The following RAB2A variants were observed in gnomAD, a reference collection of about 807,000 sequenced individuals.
RAB2A encodes RAB2A, member RAS oncogene family.
In RAB2A, 7 loss-of-function variants were observed where a neutral mutation model predicts 32.5. The ratio of observed to expected loss-of-function variants is 0.22; its 90% CI spans 0.12 to 0.40. The LOEUF is 0.40. RAB2A is among the 10% of genes least tolerant of loss of function. The pLI is 1.00. For missense variants in RAB2A, 108 were observed against 260.7 expected (o/e 0.41, Z 4.03); for synonymous variants, 79 against 85.2 (o/e 0.93, Z 0.40).
intron 1 of RAB2A, among the ~76,000 whole-genome samples, chr8:60,532,418 T>G (rs1176229574): frequency 2.6e-5 from 4 of 152,178 alleles, no homozygotes; most frequent in Non-Finnish European, 5.9e-5. Flanking sequence ...CCCGATGAAT[T>G]GAGTCACCAG....
intron 6 of RAB2A, among the ~76,000 whole-genome samples, chr8:60,612,635 A>G (rs1804371049): frequency 6.6e-6 from 1 of 152,216 alleles, no homozygotes; most frequent in African/African-American, 2.4e-5. Flanking sequence ...TTAGATTCTA[A>G]TCCTGCGTCT....
At chr8:60,553,595 T>G (rs1416910066) in intron 1 of RAB2A, among the ~76,000 whole-genome samples, 3 of 152,216 alleles carry the variant, frequency 2.0e-5, no homozygotes, top group Admixed American at 6.5e-5. Context: ...CCCTTTTGTA[T>G]CTATATATTT....
chr8:60,605,443 G>A lies in RAB2A; in HGVS notation c.475-13137G>A, dbSNP rs540359924. Among the ~76,000 whole-genome samples, 11 of 152,248 alleles carry A rather than the reference G, an allele frequency of 7.2e-5. No homozygotes were observed. In the South Asian group the frequency reaches 1.0e-3, roughly 14 times the overall value. On this transcript the variant is annotated intron_variant, in intron 6 of 7. Transcript: ENST00000262646. ...AGTGCAGCTGTGAGAAGATGACCAC[G>A]TCCTCCAGACCCCAGAATGGTAGAT...
In RAB2A at chr8:60,555,079, G is replaced by T. The variant is rs76918462; in HGVS notation, c.47-3773G>T. Among the ~76,000 whole-genome samples, 983 of 152,328 alleles carry T rather than the reference G, an allele frequency of 6.5e-3. 11 individuals are homozygous for T. The highest frequency in any genetic ancestry group is 0.021 in the African/African-American group (889 of 41,564). ...ATTATTTTCAAGGAGGTTGTAGGCA[G>T]ATACATTATATAGATACAGTTTATG... is the stretch of plus-strand genomic sequence containing the variant. On this transcript the variant is annotated intron_variant, in intron 1 of 7. Transcript: ENST00000262646.
At chr8:60,571,474 C>T (rs1475783983) in intron 2 of RAB2A, among the ~76,000 whole-genome samples, 1 of 152,172 alleles carries the variant, frequency 6.6e-6, no homozygotes, top group Non-Finnish European at 1.5e-5. Flanking sequence ...AAGCAAATTG[C>T]AGAGCAGCAT....
rs182219277 is a variant in RAB2A, at chr8:60,615,015, G to C, written c.475-3565G>C. Among the ~76,000 whole-genome samples, 245 of 152,260 alleles carry C rather than the reference G, an allele frequency of 1.6e-3. 1 individual carries two copies. Among genetic ancestry groups the C allele is most frequent in the Non-Finnish European group, 2.5e-3 (171 of 68,008 alleles). On this transcript the variant is annotated intron_variant, in intron 6 of 7. Transcript: ENST00000262646. ...CTGCCTAGACATTGCTTGTTTCATG[G>C]TGCAAACAGTGAAATCATTGAAACA... is the stretch of plus-strand genomic sequence containing the variant.
At chr8:60,540,120 A>C (rs993460343) in intron 1 of RAB2A, among the ~76,000 whole-genome samples, 1 of 150,846 alleles carries the variant, frequency 6.6e-6, no homozygotes, top group Non-Finnish European at 1.5e-5. Context: ...GTATATATTC[A>C]TATTTTAATA....
At chr8:60,517,727 G>A (rs1354560566) in intron 1 of RAB2A, among the ~76,000 whole-genome samples, 2 of 152,218 alleles carry the variant, frequency 1.3e-5, no homozygotes, top group East Asian at 1.9e-4. Flanking sequence ...TCAAGGCCTG[G>A]GCAAGGCGCT....
chr8:60,573,399 T>C (rs1465890100), intron 3 of RAB2A, among the ~76,000 whole-genome samples: 1 of 152,248 alleles, frequency 6.6e-6, no homozygotes, highest in Non-Finnish European at 1.5e-5. Flanking sequence ...TCTCACAGAC[T>C]GGATTCCCTA....
intron 2 of RAB2A, among the ~76,000 whole-genome samples, chr8:60,565,581 T>G (rs1808097626): frequency 6.6e-6 from 1 of 151,874 alleles, no homozygotes; most frequent in Non-Finnish European, 1.5e-5. Flanking sequence ...TCTAGTAACT[T>G]GAGTTGCCTA....
At chr8:60,578,384 A>G (rs1803678212) in intron 3 of RAB2A, among the ~76,000 whole-genome samples, 1 of 152,218 alleles carries the variant, frequency 6.6e-6, no homozygotes, top group Non-Finnish European at 1.5e-5. Context: ...GCTGTGGTAG[A>G]CAAGCTTTCC....
At chr8:60,553,829 T>C (rs930131030) in intron 1 of RAB2A, among the ~76,000 whole-genome samples, 8 of 152,244 alleles carry the variant, frequency 5.3e-5, no homozygotes, top group Non-Finnish European at 1.2e-4. Flanking sequence ...AACCATTAGT[T>C]TTGCTTGGGG....
At chr8:60,612,806 A>G (rs935406919) in intron 6 of RAB2A, among the ~76,000 whole-genome samples, 1 of 152,192 alleles carries the variant, frequency 6.6e-6, no homozygotes, top group African/African-American at 2.4e-5. Flanking sequence ...CAACAGCTCT[A>G]CTTTGGAACT....
At chr8:60,540,631 C>T (rs1249660484) in intron 1 of RAB2A, among the ~76,000 whole-genome samples, 1 of 152,194 alleles carries the variant, frequency 6.6e-6, no homozygotes, top group Non-Finnish European at 1.5e-5. Flanking sequence ...AGGCATGTGC[C>T]ACCACGCCTG....
rs140580809 is a variant in RAB2A at position 60,621,842 on chromosome 8, G to A, written c.*1073G>A. ...GTGAGCATCTTGTCTGTTTTGAAGG[G>A]GATATGACAATAAATCTATCAGATG... is the stretch of plus-strand genomic sequence containing the variant. On this transcript the variant is annotated 3_prime_UTR_variant, in exon 8 of 8. Coordinates refer to ENST00000262646, the MANE Select transcript of RAB2A (RefSeq NM_002865.3). 270 of 152,140 alleles carry A rather than the reference G, an allele frequency of 1.8e-3. No homozygotes were observed. Among genetic ancestry groups the A allele is most frequent in the African/African-American group, 6.0e-3 (248 of 41,518 alleles). The allele number at this position is 152,140 out of a possible 1,614,324, so 9.4% of individuals were successfully genotyped here.
chr8:60,603,516 GA>G (rs1234815990), intron 6 of RAB2A, among the ~76,000 whole-genome samples: 1 of 152,152 alleles, frequency 6.6e-6, no homozygotes, highest in Non-Finnish European at 1.5e-5. Context: ...TGTTGAGGGG[GA>G]AAAGAGGCAA....
chr8:60,613,635 A>G (rs1436735978), intron 6 of RAB2A, among the ~76,000 whole-genome samples: 1 of 152,154 alleles, frequency 6.6e-6, no homozygotes, highest in African/African-American at 2.4e-5. Flanking sequence ...GCCCTCAGTA[A>G]TTCTGTTCAT....
intron 6 of RAB2A, among the ~76,000 whole-genome samples, chr8:60,609,504 T>C (rs1804299367): frequency 6.6e-6 from 1 of 152,202 alleles, no homozygotes; most frequent in African/African-American, 2.4e-5. Context: ...AACCCCCACA[T>C]GGTAGATAAC....
At chr8:60,538,746 G>C (rs1190734553) in intron 1 of RAB2A, among the ~76,000 whole-genome samples, 2 of 152,192 alleles carry the variant, frequency 1.3e-5, no homozygotes, top group Non-Finnish European at 2.9e-5. Context: ...CCATAGAGGG[G>C]TGCTGAGTGC....
Sources: gnomAD v4.1 joint callset for allele counts (sites outside exome capture counted in the v4.1 genomes callset) on GRCh38, gnomAD v4.1.1 for gene constraint, MANE v1.5 for transcripts, NCBI Gene and HGNC (gene_info 2026-07-23, HGNC 2026-07-21) for gene names.